Variants in GNB1 observed in about 807,000 individuals in gnomAD.
The protein encoded by GNB1 is G protein subunit beta 1.
Under a neutral mutation model 42.9 loss-of-function variants are expected in GNB1, and 2 were observed. That is an observed-to-expected ratio of 0.05 (90% CI 0.02 to 0.15). GNB1 has a LOEUF of 0.15. GNB1 is among the 10% of genes least tolerant of loss of function. The pLI is 1.00. For synonymous variants in GNB1, 183 were observed against 174.7 expected (o/e 1.05, Z -0.38); for missense variants, 193 against 462.2 (o/e 0.42, Z 5.34).
Position 1,850,486 on chromosome 1 carries a change from T to G in GNB1, c.-95-11248A>C, listed in dbSNP as rs567595263. Among the ~76,000 whole-genome samples, 29 of 152,002 alleles carry G rather than the reference T, an allele frequency of 1.9e-4. No homozygotes were observed. The East Asian group carries it at 5.2e-3, about 27-fold the overall frequency. ...TCTTCTGCTTGTTTCATTTTGGATT[T>G]CTATTGACCTATCTTCAGTTTCACT... On this transcript the variant is annotated intron_variant, in intron 1 of 11. Coordinates refer to ENST00000378609, the MANE Select transcript of GNB1 (RefSeq NM_002074.5).
intron 1 of GNB1, among the ~76,000 whole-genome samples, chr1:1,845,529 T>C (rs1044279099): frequency 1.4e-4 from 22 of 152,114 alleles, no homozygotes; most frequent in Admixed American, 1.2e-3. Flanking sequence ...GCCGAGATCG[T>C]GCCACTGCAC....
intron 7 of GNB1, among the ~76,000 whole-genome samples, chr1:1,800,751 G>GT (rs910485205): frequency 4.1e-5 from 5 of 120,532 alleles, no homozygotes; most frequent in East Asian, 2.6e-4. Flanking sequence ...TCTTTAGATT[G>GT]TTAAAAAAAA....
intron 2 of GNB1, among the ~76,000 whole-genome samples, chr1:1,832,744 C>G (rs575176533): frequency 3.9e-5 from 6 of 152,284 alleles, no homozygotes; most frequent in Non-Finnish European, 8.8e-5. Flanking sequence ...TCACCAATAA[C>G]AACATTCAGG....
intron 1 of GNB1, among the ~76,000 whole-genome samples, chr1:1,839,868 C>T (rs957184773): frequency 1.3e-5 from 2 of 151,704 alleles, no homozygotes; most frequent in African/African-American, 4.8e-5. Context: ...CAAAAACACA[C>T]AACAGTCTGG....
intron 5 of GNB1, among the ~76,000 whole-genome samples, chr1:1,815,519 G>C (rs940960770): frequency 6.6e-6 from 1 of 152,188 alleles, no homozygotes; most frequent in Non-Finnish European, 1.5e-5. Flanking sequence ...ATCAGAACTT[G>C]TATTAATGTG....
intron 2 of GNB1, among the ~76,000 whole-genome samples, chr1:1,835,436 A>G (rs1647133175): frequency 6.6e-6 from 1 of 152,222 alleles, no homozygotes; most frequent in South Asian, 2.1e-4. Context: ...CCTTAGAACC[A>G]TGACTGACAC....
chr1:1,878,365 T>C (rs1649662565), intron 1 of GNB1, among the ~76,000 whole-genome samples: 1 of 152,180 alleles, frequency 6.6e-6, no homozygotes, highest in African/African-American at 2.4e-5. Context: ...ACACTTTACA[T>C]AATATGTATG....
chr1:1,851,881 T>C (rs2101522871), intron 1 of GNB1, among the ~76,000 whole-genome samples: 1 of 150,764 alleles, frequency 6.6e-6, no homozygotes, highest in Non-Finnish European at 1.5e-5. Context: ...CCATGTCTAC[T>C]AAAAATACGA....
At chr1:1,878,483 T>C (rs555821345) in intron 1 of GNB1, among the ~76,000 whole-genome samples, 1 of 152,310 alleles carries the variant, frequency 6.6e-6, no homozygotes, top group African/African-American at 2.4e-5. Context: ...CAGATGTCTG[T>C]CTGGTTTGTC....
intron 1 of GNB1, among the ~76,000 whole-genome samples, chr1:1,872,273 C>T (rs1649290474): frequency 1.3e-5 from 2 of 152,210 alleles, no homozygotes; most frequent in South Asian, 4.1e-4. Flanking sequence ...CCACTGCACC[C>T]AGCCTCAACA....
In GNB1 at chr1:1,790,818, G is replaced by A. The variant is rs970496855; in HGVS notation, c.498-222C>T. 1.3e-5 allele frequency among the ~76,000 whole-genome samples: 2 copies of A among 152,180 alleles called. No individual in the cohort carries two copies. The highest frequency in any genetic ancestry group is 2.4e-5 in the African/African-American group (1 of 41,438). ...TTATACAGAGATGAGCACAGGGCCT[G>A]GGCTTCAGAATGACGGGATCGCTAC... On this transcript the variant is annotated intron_variant, in intron 8 of 11. Coordinates refer to ENST00000378609, the MANE Select transcript of GNB1 (RefSeq NM_002074.5). The surrounding 1 kb of genome is among the most constrained non-coding windows in gnomAD (Gnocchi z 5.4).
intron 1 of GNB1, among the ~76,000 whole-genome samples, chr1:1,862,063 T>C (rs1001921147): frequency 2.7e-5 from 4 of 150,752 alleles, no homozygotes; most frequent in Non-Finnish European, 5.9e-5. Context: ...TGAGACTCCA[T>C]CTCAAAAAAA....
chr1:1,831,614 A>G (rs1401609703), intron 2 of GNB1, among the ~76,000 whole-genome samples: 1 of 151,706 alleles, frequency 6.6e-6, no homozygotes, highest in East Asian at 2.0e-4. Flanking sequence ...ACACCTGGCT[A>G]ATTTTTGTAT....
rs778677098 is a variant in GNB1, at chr1:1,789,072, T to C, written c.897A>G (p.Ala299=). 1 of 1,613,934 alleles carries C rather than the reference T, an allele frequency of 6.2e-7. No individual in the cohort carries two copies. The highest frequency in any genetic ancestry group is 8.5e-7 in the Non-Finnish European group (1 of 1,179,870). ...YDDFNCNVWD[A]LKADRAGVLA... is the part of the protein sequence containing the mutation. ...ACGTACCTGCCCGGTCGGCTTTGAG[T>C]GCATCCCAGACGTTGCAGTTGAAGT... The change falls in exon 10 of 12, where the codon GCA becomes GCG. Residue 299 remains alanine (A), a synonymous_variant. Coordinates refer to ENST00000378609, the MANE Select transcript of GNB1 (RefSeq NM_002074.5).
chr1:1,888,940 C>A (rs1650311274), intron 1 of GNB1, among the ~76,000 whole-genome samples: 1 of 152,190 alleles, frequency 6.6e-6, no homozygotes. Context: ...GTCAGTGGCA[C>A]CACCTCCATC....
At chr1:1,859,058 G>C (rs1010504720) in intron 1 of GNB1, among the ~76,000 whole-genome samples, 7 of 138,064 alleles carry the variant, frequency 5.1e-5, no homozygotes, top group Non-Finnish European at 7.8e-5. Flanking sequence ...AGTTTCACTT[G>C]TTGCCCAGGC....
At chr1:1,838,821 C>T (rs1647185453) in intron 2 of GNB1, among the ~76,000 whole-genome samples, 1 of 152,140 alleles carries the variant, frequency 6.6e-6, no homozygotes, top group Non-Finnish European at 1.5e-5. Flanking sequence ...TAGCGATGTA[C>T]CACTCTGATT....
intron 3 of GNB1, chr1:1,818,291 A>C (rs1285337228): frequency 6.8e-6 from 1 of 147,994 alleles, no homozygotes; most frequent in Non-Finnish European, 1.5e-5. Flanking sequence ...CTGTGGCCCA[A>C]AGAAAAGGTC....
intron 1 of GNB1, among the ~76,000 whole-genome samples, chr1:1,887,811 C>T (rs527719920): frequency 3.3e-5 from 5 of 152,076 alleles, no homozygotes; most frequent in African/African-American, 4.8e-5. Flanking sequence ...TACGAGGTTT[C>T]GCTATGTTGG....
Sources: gnomAD v4.1 joint callset for allele counts (sites outside exome capture counted in the v4.1 genomes callset) on GRCh38, gnomAD v4.1.1 for gene constraint, Gnocchi (gnomAD v3.1) non-coding constraint, MANE v1.5 for transcripts, NCBI Gene and HGNC (gene_info 2026-07-23, HGNC 2026-07-21) for gene names.